Variants in XYLT1 observed in about 807,000 individuals in gnomAD.
XYLT1 encodes xylosyltransferase 1.
XYLT1 carries 36 observed loss-of-function variants against 91.3 expected under a neutral mutation model. The ratio of observed to expected loss-of-function variants is 0.39; its 90% CI spans 0.30 to 0.52. XYLT1 has a LOEUF of 0.52. Among genes scored for constraint, XYLT1 ranks in the 20% least tolerant of loss-of-function variants. XYLT1 has a pLI of 0.68. For missense variants in XYLT1, 1,242 were observed against 1,284.5 expected (o/e 0.97, Z 0.51); for synonymous variants, 588 against 532.0 (o/e 1.11, Z -1.45).
At chr16:17,158,725 C>A (rs2031476056) in intron 6 of XYLT1, 104 bp downstream of exon 6, 1 of 1,276,306 alleles carries the variant, frequency 7.8e-7, no homozygotes, top group South Asian at 1.3e-5. Flanking sequence ...TTTCTCCCAC[C>A]CTCAACCTTT....
At chr16:17,314,161 G>A (rs2034591305) in intron 2 of XYLT1, among the ~76,000 whole-genome samples, 1 of 152,176 alleles carries the variant, frequency 6.6e-6, no homozygotes, top group South Asian at 2.1e-4. Flanking sequence ...CATTTCAGGA[G>A]CTCCAAAATC....
At chr16:17,240,521 G>A (rs1214841933) in intron 3 of XYLT1, among the ~76,000 whole-genome samples, 1 of 152,158 alleles carries the variant, frequency 6.6e-6, no homozygotes, top group Non-Finnish European at 1.5e-5. Context: ...TACATGACAG[G>A]GATGTTGCAG....
At chr16:17,369,295 A>G (rs943934107) in intron 1 of XYLT1, among the ~76,000 whole-genome samples, 4 of 152,078 alleles carry the variant, frequency 2.6e-5, no homozygotes, top group African/African-American at 9.7e-5. Context: ...AAGCCTGGCT[A>G]ATTTTTGAAC....
chr16:17,457,113 C>T (rs1039700767), intron 1 of XYLT1, among the ~76,000 whole-genome samples: 4 of 152,102 alleles, frequency 2.6e-5, no homozygotes, highest in South Asian at 4.2e-4. Flanking sequence ...ACCAGAATTT[C>T]GAATTTCTTA....
At chr16:17,224,351 T>G (rs576782096) in intron 3 of XYLT1, among the ~76,000 whole-genome samples, 30 of 152,254 alleles carry the variant, frequency 2.0e-4, no homozygotes, top group Non-Finnish European at 3.7e-4. Context: ...TTTAGCAGCA[T>G]CTGCCTTCTA....
chr16:17,210,875 G>A (rs2032744176), intron 3 of XYLT1, among the ~76,000 whole-genome samples: 2 of 152,166 alleles, frequency 1.3e-5, no homozygotes, highest in African/African-American at 4.8e-5. Context: ...ATCTTCAGCA[G>A]CACTCCCCTA....
At chr16:17,424,371 C>T (rs1423113186) in intron 1 of XYLT1, among the ~76,000 whole-genome samples, 1 of 152,208 alleles carries the variant, frequency 6.6e-6, no homozygotes, top group Non-Finnish European at 1.5e-5. Flanking sequence ...GGTTCATGAA[C>T]AAACCTTTCA....
chr16:17,288,316 A>G (rs561489256), intron 2 of XYLT1, among the ~76,000 whole-genome samples: 1 of 151,702 alleles, frequency 6.6e-6, no homozygotes, highest in East Asian at 2.0e-4. Flanking sequence ...CAGAGAGGCT[A>G]CAAGATAAAT....
intron 6 of XYLT1, among the ~76,000 whole-genome samples, chr16:17,158,369 A>G (rs922201348): frequency 6.6e-6 from 1 of 152,196 alleles, no homozygotes; most frequent in Non-Finnish European, 1.5e-5. Flanking sequence ...ACTACAGGTC[A>G]ATTCCCTGAG....
chr16:17,273,990 C>G (rs1016954274), intron 2 of XYLT1, among the ~76,000 whole-genome samples: 1 of 151,884 alleles, frequency 6.6e-6, no homozygotes, highest in African/African-American at 2.4e-5. Context: ...CGGCTCACTG[C>G]AACCTCTGCC....
chr16:17,190,615 G>T (rs1024358407), intron 5 of XYLT1, among the ~76,000 whole-genome samples: 17 of 152,040 alleles, frequency 1.1e-4, no homozygotes, highest in Non-Finnish European at 2.1e-4. Context: ...CCCTACAAAG[G>T]ACATGAACTC....
At chr16:17,207,574 C>T (rs1214265171) in intron 3 of XYLT1, among the ~76,000 whole-genome samples, 1 of 152,198 alleles carries the variant, frequency 6.6e-6, no homozygotes, top group Non-Finnish European at 1.5e-5. Context: ...AAGTTGAAGA[C>T]TCAGGCCTGA....
chr16:17,119,926 A>G (rs8050553), intron 10 of XYLT1, among the ~76,000 whole-genome samples: 30,040 of 152,158 alleles, frequency 0.2, 3,935 homozygotes, highest in South Asian at 0.37. Flanking sequence ...GGTGGCTGCC[A>G]TCTGTGTACA....
At chr16:17,184,166 A>G (rs72777737) in intron 5 of XYLT1, among the ~76,000 whole-genome samples, 13,074 of 149,614 alleles carry the variant, frequency 0.087, 654 homozygotes, top group Middle Eastern at 0.13. Context: ...CACCGGAGAA[A>G]AAGTCACATA....
chr16:17,294,295 C>T (rs1384680435), intron 2 of XYLT1, among the ~76,000 whole-genome samples: 1 of 152,132 alleles, frequency 6.6e-6, no homozygotes, highest in Non-Finnish European at 1.5e-5. Context: ...GTCCAAGGAC[C>T]AGGCATCTCT....
chr16:17,389,029 G>C lies in XYLT1; in HGVS notation c.364-30979C>G, dbSNP rs538420904. Among the ~76,000 whole-genome samples the C allele has an allele frequency of 5.3e-4, 80 of 152,278 alleles. 1 individual carries two copies. Among genetic ancestry groups the C allele is most frequent in the African/African-American group, 1.9e-3 (77 of 41,562 alleles). ...TAGCCCTGTCCTGGGGAAACAAAAG[G>C]GTATCCACGAGTTGTAGCTAAGTCA... On this transcript the variant is annotated intron_variant, in intron 1 of 11. Coordinates refer to ENST00000261381, the MANE Select transcript of XYLT1 (RefSeq NM_022166.4).
At chr16:17,250,994 C>T (rs2033529478) in intron 3 of XYLT1, 1 of 152,224 alleles carries the variant, frequency 6.6e-6, no homozygotes. Flanking sequence ...CCTGGGACCA[C>T]TTGTGACATC....
intron 2 of XYLT1, among the ~76,000 whole-genome samples, chr16:17,276,240 G>A: frequency 6.6e-6 from 1 of 152,174 alleles, no homozygotes; most frequent in Non-Finnish European, 1.5e-5. Flanking sequence ...TGGGGACAGG[G>A]GCTTCCGAGC....
At chr16:17,248,398 C>A (rs1424114826) in intron 3 of XYLT1, among the ~76,000 whole-genome samples, 1 of 152,214 alleles carries the variant, frequency 6.6e-6, no homozygotes, top group Admixed American at 6.5e-5. Context: ...CCCCTCAGGT[C>A]TCTGGCAATT....
Sources: gnomAD v4.1 joint callset for allele counts (sites outside exome capture counted in the v4.1 genomes callset) on GRCh38, gnomAD v4.1.1 for gene constraint, MANE v1.5 for transcripts, NCBI Gene and HGNC (gene_info 2026-07-23, HGNC 2026-07-21) for gene names.